Variants in ANKRD42 observed in about 807,000 individuals in gnomAD.
The protein encoded by ANKRD42 is ankyrin repeat domain-containing protein 42.
Under a neutral mutation model 51.5 loss-of-function variants are expected in ANKRD42, and 43 were observed. The observed-to-expected ratio is 0.83, with a 90% CI of 0.65 to 1.08. ANKRD42 has a LOEUF of 1.08. Ranked by LOEUF, ANKRD42 falls within the 50% of genes least tolerant of loss-of-function variation. ANKRD42 has a pLI of 0.00. For missense variants in ANKRD42, 608 were observed against 629.3 expected (o/e 0.97, Z 0.36); for synonymous variants, 203 against 213.0 (o/e 0.95, Z 0.41).
intron 7 of ANKRD42, among the ~76,000 whole-genome samples, chr11:83,230,583 G>T (rs958484869): frequency 5.3e-5 from 8 of 151,608 alleles, no homozygotes; most frequent in African/African-American, 1.9e-4. Context: ...CAAATGACAA[G>T]ATCTTATTCT....
chr11:83,261,784 T>C, downstream of ANKRD42: 1 of 632,846 alleles, frequency 1.6e-6, no homozygotes, highest in East Asian at 2.8e-5. Flanking sequence ...ACTTCCTCTT[T>C]TAGTCCGTAT....
downstream of ANKRD42, among the ~76,000 whole-genome samples, chr11:83,252,293 C>T (rs1863688457): frequency 6.6e-6 from 1 of 152,196 alleles, no homozygotes; most frequent in Non-Finnish European, 1.5e-5. Flanking sequence ...AGATTTTATA[C>T]ACCAGTGGTG....
chr11:83,245,484 ACT>A lies in ANKRD42; in HGVS notation c.1196-11_1196-10del, dbSNP rs1179672721. On this transcript the variant is annotated splice_polypyrimidine_tract_variant and intron_variant, in intron 9 of 10. Transcript: ENST00000533342. ...ATATGTCTAACTAGGTTCCTACTCA[ACT>A]CTGTCTTGCAGTGAGAGCTTACAAG... The A allele has an allele frequency of 3.3e-5, 50 of 1,535,116 alleles. No individual in the cohort carries two copies. The highest frequency in any genetic ancestry group is 4.3e-5 in the Non-Finnish European group (49 of 1,146,628).
chr11:83,248,682 AGTCATTG>A lies in ANKRD42; in HGVS notation c.*482_*488del, dbSNP rs1672783547. On this transcript the variant is annotated 3_prime_UTR_variant, in exon 11 of 11. Coordinates refer to ENST00000533342, the MANE Select transcript of ANKRD42 (RefSeq NM_001300975.2). Reference sequence around the variant, plus strand: ...GGCTTCTTTTTATTTTGCACAAACTAGTCATTGGTCTCTTTAATAACCACTTTAAAAA... The same window carrying A: ...GGCTTCTTTTTATTTTGCACAAACTAGTCTCTTTAATAACCACTTTAAAAA... 4 of 979,510 alleles carry A rather than the reference AGTCATTG, an allele frequency of 4.1e-6. No individual in the cohort carries two copies. Among genetic ancestry groups the A allele is most frequent in the African/African-American group, 1.8e-5 (1 of 57,072 alleles). 60.7% of individuals were successfully genotyped at this position (979,510 alleles called of 1,614,324 possible).
In ANKRD42 at chr11:83,210,374, T is replaced by G; in HGVS notation, c.405T>G (p.Thr135=). 1 of 1,614,072 alleles carries G rather than the reference T, an allele frequency of 6.2e-7. No homozygotes were observed. The highest frequency in any genetic ancestry group is 8.5e-7 in the Non-Finnish European group (1 of 1,179,938). Residue 135 remains threonine (T), a synonymous_variant, in exon 4 of 11, where the codon ACT becomes ACG. Coordinates refer to ENST00000533342, the MANE Select transcript of ANKRD42 (RefSeq NM_001300975.2). ...RGCTPLHLAA[T]HGHSFTLQIM... ...GCACTCCTTTACATCTTGCTGCAAC[T>G]CATGGACATTCTTTCACTTTACAAA...
At chr11:83,260,964 C>T (rs1051850927), downstream of ANKRD42, 2 of 152,078 alleles carry the variant, frequency 1.3e-5, no homozygotes, top group African/African-American at 4.8e-5. Context: ...ACTTAAACTA[C>T]ATTAAGAAGC....
intron 10 of ANKRD42, 53 bp from the exon 11 acceptor site, chr11:83,247,890 T>A (rs1163204898): frequency 2.4e-5 from 34 of 1,431,510 alleles, no homozygotes; most frequent in Non-Finnish European, 3.2e-5. Flanking sequence ...CTACTAAAAG[T>A]AATTATTAGT....
intron 3 of ANKRD42, chr11:83,209,283 G>GTC (rs1475970235): frequency 2.1e-5 from 14 of 662,730 alleles, no homozygotes; most frequent in Non-Finnish European, 3.6e-5. Flanking sequence ...TATTATAAGT[G>GTC]TCTTCTAGGC....
chr11:83,243,602 G>C (rs1240399869), intron 9 of ANKRD42, among the ~76,000 whole-genome samples: 6 of 152,086 alleles, frequency 3.9e-5, no homozygotes, highest in African/African-American at 1.2e-4. Flanking sequence ...GGTTATGGTG[G>C]TTCCCAAACC....
In ANKRD42 at chr11:83,240,928, G is replaced by T. The variant is rs776091013; in HGVS notation, c.1189G>T (p.Ala397Ser). 5 of 1,610,480 alleles carry T rather than the reference G, an allele frequency of 3.1e-6. No individual in the cohort carries two copies. Among genetic ancestry groups the T allele is most frequent in the Middle Eastern group, 1.6e-4 (1 of 6,072 alleles). ...TCTGAGTGACTTGGATAAAACAGAT[G>T]CCAGAAGTAAGTATGCTGCCTCTGT... ...LCLSDLDKTDARMRAYKKIVE... is the reference protein window; with the variant it reads ...LCLSDLDKTDSRMRAYKKIVE... The change falls in exon 9 of 11, where the codon GCC (alanine) becomes TCC (serine). Residue 397 changes from alanine (A) to serine (S), a missense_variant. Physicochemically the swap from Ala to Ser is moderately conservative, Grantham distance 99. Coordinates refer to ENST00000533342, the MANE Select transcript of ANKRD42 (RefSeq NM_001300975.2).
chr11:83,226,831 A>G (rs1294342091), intron 6 of ANKRD42, among the ~76,000 whole-genome samples: 2 of 152,054 alleles, frequency 1.3e-5, no homozygotes, highest in Non-Finnish European at 2.9e-5. Context: ...AAACAGTATG[A>G]CAACTATTTA....
At chr11:83,228,957 T>G (rs1862984698) in intron 7 of ANKRD42, among the ~76,000 whole-genome samples, 1 of 151,940 alleles carries the variant, frequency 6.6e-6, no homozygotes, top group African/African-American at 2.4e-5. Context: ...TTTTTTGTTT[T>G]TTTTTTAATG....
chr11:83,206,057 G>C lies in ANKRD42; in HGVS notation c.223-1G>C. Reference sequence around the variant, plus strand: ...ACTTGTTAACATGGTTATTTTCTTAGTGTCTTCATTGGCTGCTCTGGCATG... The same window carrying C: ...ACTTGTTAACATGGTTATTTTCTTACTGTCTTCATTGGCTGCTCTGGCATG... On this transcript the variant is annotated splice_acceptor_variant, in intron 2 of 10. Transcript: ENST00000533342. LOFTEE classifies it high-confidence loss of function. 7 of 1,610,582 alleles carry C rather than the reference G, an allele frequency of 4.3e-6. No individual in the cohort carries two copies. The highest frequency in any genetic ancestry group is 5.1e-6 in the Non-Finnish European group (6 of 1,177,802).
chr11:83,204,131 C>T (rs1421473219), intron 2 of ANKRD42, among the ~76,000 whole-genome samples: 1 of 152,088 alleles, frequency 6.6e-6, no homozygotes, highest in Non-Finnish European at 1.5e-5. Context: ...TTAGTAGAGA[C>T]AGGGTTTCAC....
chr11:83,223,147 G>A (rs920719355), intron 5 of ANKRD42, among the ~76,000 whole-genome samples: 1 of 152,168 alleles, frequency 6.6e-6, no homozygotes, highest in Non-Finnish European at 1.5e-5. Flanking sequence ...CTACTTGGGA[G>A]GCTGAGGCAC....
intron 5 of ANKRD42, chr11:83,212,809 T>A (rs1335775613): frequency 1.4e-6 from 2 of 1,475,336 alleles, no homozygotes; most frequent in Non-Finnish European, 1.8e-6. Context: ...TCTTTCAGTG[T>A]TCATTTAGTG....
At chr11:83,236,843 A>G (rs1168315307) in intron 8 of ANKRD42, among the ~76,000 whole-genome samples, 1 of 152,242 alleles carries the variant, frequency 6.6e-6, no homozygotes, top group African/African-American at 2.4e-5. Flanking sequence ...CAGAACAGTA[A>G]TTCATGATTT....
intron 4 of ANKRD42, among the ~76,000 whole-genome samples, 200 bp downstream of exon 4, chr11:83,210,619 A>G (rs1339988859): frequency 1.3e-5 from 2 of 152,204 alleles, no homozygotes; most frequent in Admixed American, 6.5e-5. Flanking sequence ...CCAAAAACCA[A>G]TTCAGTATTA....
downstream of ANKRD42, among the ~76,000 whole-genome samples, chr11:83,264,214 A>C (rs1864107148): frequency 1.3e-5 from 2 of 152,228 alleles, no homozygotes; most frequent in African/African-American, 4.8e-5. Context: ...GACTGGATAC[A>C]TAAATTGTGG....
Sources: allele counts gnomAD v4.1 joint callset (sites outside exome capture counted in the v4.1 genomes callset), GRCh38; gene constraint gnomAD v4.1.1; transcripts MANE v1.5; gene names NCBI Gene and HGNC (gene_info 2026-07-23, HGNC 2026-07-21).